SLC4A4: variants seen among roughly 807,000 people sequenced by gnomAD.
The protein encoded by SLC4A4 is solute carrier family 4 member 4, also known as electrogenic sodium bicarbonate cotransporter 1.
In SLC4A4, 27 loss-of-function variants were observed where a neutral mutation model predicts 111.5. The observed-to-expected ratio is 0.24, with a 90% CI of 0.18 to 0.33. SLC4A4 has a LOEUF of 0.33. Ranked by LOEUF, SLC4A4 falls within the 10% of genes least tolerant of loss-of-function variation. SLC4A4 has a pLI of 1.00. For missense variants in SLC4A4, 909 were observed against 1,315.5 expected, an observed-to-expected ratio of 0.69 and a Z score of 4.78; for synonymous variants, 443 against 463.4, an observed-to-expected ratio of 0.96 and a Z score of 0.57.
rs568001461 is a variant in SLC4A4 at position 71,151,044 on chromosome 4, T to C, written c.-2+58252T>C. On this transcript the variant is annotated intron_variant, in intron 2 of 26. Coordinates refer to the SLC4A4 transcript ENST00000649996. Reference sequence around the variant, plus strand: ...ACAGTAGCCACTAGCCCCATGTGGCTGTTTATATTTAATTTTAAAGTAATT... The same window carrying C: ...ACAGTAGCCACTAGCCCCATGTGGCCGTTTATATTTAATTTTAAAGTAATT... 5.2e-4 allele frequency among the ~76,000 whole-genome samples: 79 copies of C among 152,370 alleles called. 1 individual carries two copies. The highest frequency in any genetic ancestry group is 3.4e-3 in the Middle Eastern group (1 of 294).
intron 2 of SLC4A4, among the ~76,000 whole-genome samples, chr4:71,148,746 G>A (rs1744244311): frequency 3.9e-5 from 6 of 152,150 alleles, no homozygotes; most frequent in Admixed American, 3.9e-4. Context: ...TTTTATGGCT[G>A]CATAGTATTC....
At position 71,328,868 on chromosome 4, in the gene SLC4A4, G is replaced by A. The variant is rs139554774; in HGVS notation, c.254-10502G>A. Among the ~76,000 whole-genome samples the A allele has an allele frequency of 5.7e-3, 863 of 152,132 alleles. 9 individuals carry two copies. The highest frequency in any genetic ancestry group is 0.017 in the African/African-American group (716 of 41,516). ...TTTTGCTTTGGTTGTTTGTGCTTATGGGGTATTACCCAAGAAACCTTTGCC... is the reference window on the plus strand; with the variant it reads ...TTTTGCTTTGGTTGTTTGTGCTTATAGGGTATTACCCAAGAAACCTTTGCC... On this transcript the variant is annotated intron_variant, in intron 3 of 25. Coordinates refer to ENST00000264485, the MANE Select transcript of SLC4A4 (RefSeq NM_001098484.3).
chr4:71,546,611 TGGA>T (rs1735543348), intron 19 of SLC4A4, 83 bp downstream of exon 19: 2 of 1,172,580 alleles, frequency 1.7e-6, no homozygotes, highest in Non-Finnish European at 2.5e-6. Context: ...TGGGCAGATT[TGGA>T]GGAGACAGGG....
At chr4:71,104,539 A>C (rs1216240110) in intron 2 of SLC4A4, among the ~76,000 whole-genome samples, 39 of 78,832 alleles carry the variant, frequency 4.9e-4, no homozygotes, top group Admixed American at 8.1e-4. Context: ...TACTGGCAAA[A>C]CGAATCCAGC....
At chr4:71,563,535 A>C (rs1434623614) in intron 23 of SLC4A4, among the ~76,000 whole-genome samples, 2 of 151,830 alleles carry the variant, frequency 1.3e-5, no homozygotes, top group African/African-American at 4.8e-5. Flanking sequence ...AAAGCTTTAC[A>C]ATTCAGTTGT....
chr4:71,389,835 G>T (rs1239403384), intron 6 of SLC4A4, among the ~76,000 whole-genome samples: 2 of 151,786 alleles, frequency 1.3e-5, no homozygotes, highest in Admixed American at 1.3e-4. Context: ...ACAAACCAAG[G>T]GCCTTGGCTC....
At chr4:71,200,838 G>T (rs1182092798) in intron 1 of SLC4A4, among the ~76,000 whole-genome samples, 4 of 151,800 alleles carry the variant, frequency 2.6e-5, no homozygotes, top group Non-Finnish European at 5.9e-5. Flanking sequence ...GGTGAGCACA[G>T]CTGACACACC....
At chr4:71,289,901 G>A (rs150335389) in intron 3 of SLC4A4, among the ~76,000 whole-genome samples, 26 of 152,316 alleles carry the variant, frequency 1.7e-4, no homozygotes, top group African/African-American at 4.8e-4. Context: ...AAATGCCATC[G>A]ATTCTTGAGT....
chr4:71,100,557 C>A (rs1020903436), intron 2 of SLC4A4, among the ~76,000 whole-genome samples: 4 of 152,102 alleles, frequency 2.6e-5, no homozygotes, highest in African/African-American at 9.7e-5. Context: ...TGCCCTTTCC[C>A]ACAACATCTA....
intron 6 of SLC4A4, among the ~76,000 whole-genome samples, chr4:71,359,178 C>A (rs753569400): frequency 6.6e-6 from 1 of 152,106 alleles, no homozygotes; most frequent in African/African-American, 2.4e-5. Context: ...TAATATCGCT[C>A]GCCATTCAAT....
At position 71,472,707 on chromosome 4, in the gene SLC4A4, A is replaced by G; in HGVS notation, c.1640A>G (p.Asn547Ser). Residue 547 changes from asparagine (N) to serine (S), a missense_variant, in exon 14 of 26, where the codon AAT (asparagine) becomes AGT (serine). Asn to Ser is a conservative substitution (Grantham distance 46). Around this residue, in one of 7 missense-constraint regions of SLC4A4, gnomAD observed 264 missense variants for 356.8 expected, o/e 0.74. Transcript: ENST00000264485. ...TTCTTTCTTTTTTCCAGGGACAATAATTTTGACTATTTGGAGTTTCGCCTT... is the reference window on the plus strand; with the variant it reads ...TTCTTTCTTTTTTCCAGGGACAATAGTTTTGACTATTTGGAGTTTCGCCTT... The part of the protein sequence containing the change: ...RLLFNFSKDN[N>S]FDYLEFRLWI... The G allele has an allele frequency of 6.2e-7, 1 of 1,612,648 alleles. No homozygotes were observed. The highest frequency in any genetic ancestry group is 1.1e-5 in the South Asian group (1 of 91,020).
intron 15 of SLC4A4, among the ~76,000 whole-genome samples, chr4:71,489,123 G>A (rs1729676025): frequency 6.6e-6 from 1 of 151,640 alleles, no homozygotes; most frequent in Non-Finnish European, 1.5e-5. Flanking sequence ...ACTCTTCACA[G>A]TAATTGTCTA....
At chr4:71,151,135 T>C (rs1379058256) in intron 2 of SLC4A4, among the ~76,000 whole-genome samples, 1 of 152,216 alleles carries the variant, frequency 6.6e-6, no homozygotes, top group Non-Finnish European at 1.5e-5. Context: ...AATTGCCACA[T>C]GGATGGTGAA....
intron 2 of SLC4A4, among the ~76,000 whole-genome samples, chr4:71,124,141 A>C (rs909128066): frequency 3.3e-5 from 5 of 150,686 alleles, no homozygotes; most frequent in African/African-American, 1.2e-4. Context: ...ACCACAGAAC[A>C]CATATCAGTT....
At chr4:71,366,822 G>T (rs906741647) in intron 6 of SLC4A4, among the ~76,000 whole-genome samples, 3 of 152,172 alleles carry the variant, frequency 2.0e-5, no homozygotes, top group African/African-American at 4.8e-5. Flanking sequence ...ACATGAAAGG[G>T]TTACAGAGTT....
At chr4:71,088,917 C>T (rs1291006279) in intron 1 of SLC4A4, among the ~76,000 whole-genome samples, 1 of 151,938 alleles carries the variant, frequency 6.6e-6, no homozygotes, top group South Asian at 2.1e-4. Context: ...ATCTTTGTGG[C>T]ATTCTTTGTA....
At chr4:71,226,936 G>A (rs1719086435) in intron 1 of SLC4A4, among the ~76,000 whole-genome samples, 1 of 152,044 alleles carries the variant, frequency 6.6e-6, no homozygotes, top group African/African-American at 2.4e-5. Flanking sequence ...CTTGATACTA[G>A]AGGTAGAAAA....
chr4:71,092,111 A>G (rs1742407259), intron 1 of SLC4A4, among the ~76,000 whole-genome samples: 1 of 152,206 alleles, frequency 6.6e-6, no homozygotes, highest in Admixed American at 6.5e-5. Context: ...CTCAGTAAGT[A>G]TGTAACTCAG....
chr4:71,079,392 G>A (rs1741930194), intron 1 of SLC4A4, among the ~76,000 whole-genome samples: 1 of 152,124 alleles, frequency 6.6e-6, no homozygotes, highest in African/African-American at 2.4e-5. Context: ...TTTTAGGCCT[G>A]CTGTTTCATT....
Sources: gnomAD v4.1 joint callset for allele counts (sites outside exome capture counted in the v4.1 genomes callset) on GRCh38, gnomAD v4.1.1 for gene constraint, gnomAD v4.1.1 regional missense constraint, MANE v1.5 for transcripts, NCBI Gene and HGNC (gene_info 2026-07-23, HGNC 2026-07-21) for gene names.